Variants in PCDH7 observed in about 807,000 individuals in gnomAD.
PCDH7 encodes protocadherin-7.
Under a neutral mutation model 58.9 loss-of-function variants are expected in PCDH7, and 17 were observed. That is an observed-to-expected ratio of 0.29 (90% confidence interval 0.20 to 0.43). PCDH7 has a LOEUF of 0.43. Among genes scored for constraint, PCDH7 ranks in the 20% least tolerant of loss-of-function variants. The probability of loss-of-function intolerance (pLI) is 1.00; values close to 1 mark genes in which losing one functional copy is unlikely to be tolerated. For missense variants in PCDH7, 1,274 were observed against 1,441.0 expected (o/e 0.88, Z 1.88); for synonymous variants, 664 against 616.4 (o/e 1.08, Z -1.14).
intron 1 of PCDH7, among the ~76,000 whole-genome samples, chr4:30,916,895 A>C (rs2109411355): frequency 6.6e-6 from 1 of 152,236 alleles, no homozygotes; most frequent in African/African-American, 2.4e-5. Context: ...ACTGGGTTTA[A>C]GTTGGGACCA....
intron 3 of PCDH7, among the ~76,000 whole-genome samples, chr4:31,010,641 A>G (rs1196496243): frequency 2.6e-5 from 4 of 151,952 alleles, no homozygotes; most frequent in African/African-American, 9.7e-5. Context: ...ACACTAAAGC[A>G]ATATTCTTAA....
chr4:30,740,421 C>T (rs1716906487), intron 1 of PCDH7, among the ~76,000 whole-genome samples: 1 of 152,070 alleles, frequency 6.6e-6, no homozygotes, highest in African/African-American at 2.4e-5. Context: ...TTATCCTGTG[C>T]TTTTGGGAAA....
chr4:30,757,844 GT>G (rs1719516140), intron 1 of PCDH7, among the ~76,000 whole-genome samples: 7 of 152,192 alleles, frequency 4.6e-5, no homozygotes, highest in Admixed American at 2.6e-4. Context: ...ATAAAAGCTT[GT>G]AGAATGATTG....
intron 1 of PCDH7, among the ~76,000 whole-genome samples, chr4:30,760,719 T>G (rs1042886644): frequency 6.6e-6 from 1 of 152,150 alleles, no homozygotes; most frequent in African/African-American, 2.4e-5. Flanking sequence ...TGTCATTTCC[T>G]AAAGGGCACC....
At chr4:31,022,307 G>T (rs1180418436) in intron 3 of PCDH7, among the ~76,000 whole-genome samples, 2 of 152,154 alleles carry the variant, frequency 1.3e-5, no homozygotes, top group Non-Finnish European at 2.9e-5. Flanking sequence ...ATTTTTCACA[G>T]TTGATGATGA....
intron 1 of PCDH7, among the ~76,000 whole-genome samples, chr4:30,883,419 G>T (rs958576508): frequency 6.6e-6 from 1 of 151,910 alleles, no homozygotes; most frequent in African/African-American, 2.4e-5. Context: ...AAGAAATCAT[G>T]ACCTCAGTGG....
intron 1 of PCDH7, among the ~76,000 whole-genome samples, chr4:30,772,199 A>G (rs1323909439): frequency 6.6e-6 from 1 of 152,180 alleles, no homozygotes; most frequent in African/African-American, 2.4e-5. Flanking sequence ...ACACTTCCAT[A>G]GGTTCTGATT....
intron 3 of PCDH7, among the ~76,000 whole-genome samples, chr4:31,075,622 G>A (rs768879527): frequency 6.6e-6 from 1 of 152,148 alleles, no homozygotes; most frequent in Non-Finnish European, 1.5e-5. Flanking sequence ...CAAGACATGG[G>A]CCTAGCTTCA....
intron 3 of PCDH7, among the ~76,000 whole-genome samples, chr4:31,035,574 A>G (rs1047201595): frequency 9.9e-5 from 15 of 152,246 alleles, no homozygotes; most frequent in African/African-American, 3.1e-4. Flanking sequence ...TCTTAATAAC[A>G]CTTTTGCTCT....
intron 3 of PCDH7, among the ~76,000 whole-genome samples, chr4:30,960,021 C>G (rs1748228811): frequency 6.6e-6 from 1 of 150,678 alleles, no homozygotes; most frequent in African/African-American, 2.5e-5. Context: ...ATACAGTAAC[C>G]TACATTAGGT....
chr4:31,123,737 C>A (rs1717955889), intron 3 of PCDH7, among the ~76,000 whole-genome samples: 1 of 152,114 alleles, frequency 6.6e-6, no homozygotes. Flanking sequence ...CCAGGAAGAA[C>A]CAGGTCCCAC....
At chr4:30,904,146 A>G (rs897604302) in intron 1 of PCDH7, among the ~76,000 whole-genome samples, 3 of 152,212 alleles carry the variant, frequency 2.0e-5, no homozygotes, top group Admixed American at 6.5e-5. Flanking sequence ...ACCAGGATCT[A>G]CAACCTACTA....
At chr4:31,044,368 A>G (rs1421585575) in intron 3 of PCDH7, among the ~76,000 whole-genome samples, 2 of 152,022 alleles carry the variant, frequency 1.3e-5, no homozygotes, top group Non-Finnish European at 2.9e-5. Context: ...ATATAGTGTA[A>G]ATTTTATATC....
chr4:30,753,329 T>C (rs1392494255), intron 1 of PCDH7, among the ~76,000 whole-genome samples: 3 of 152,212 alleles, frequency 2.0e-5, no homozygotes, highest in Non-Finnish European at 4.4e-5. Context: ...AGAATGAAAA[T>C]GCCTCAGTTT....
At chr4:30,968,375 A>ATATATAGTGTGTATAT (rs1560541525) in intron 3 of PCDH7, among the ~76,000 whole-genome samples, 5 of 71,736 alleles carry the variant, frequency 7.0e-5, no homozygotes, top group African/African-American at 2.2e-4. Context: ...ATATACACAC[A>ATATATAGTGTGTATAT]CTATATATAT....
At chr4:30,790,524 T>C (rs1723978406) in intron 1 of PCDH7, among the ~76,000 whole-genome samples, 1 of 152,230 alleles carries the variant, frequency 6.6e-6, no homozygotes, top group South Asian at 2.1e-4. Context: ...AGTAGCTTGA[T>C]GGATTCAACT....
chr4:31,045,797 A>C lies in PCDH7; in HGVS notation c.*7+95582A>C, dbSNP rs1357229967. ...AGGACAAGTTTGAAGAACCAGTGTG[A>C]ACAGTTCTTTCATTGCACTTGTATT... On this transcript the variant is annotated intron_variant, in intron 3 of 3. Transcript: ENST00000509759. 2.6e-5 allele frequency among the ~76,000 whole-genome samples: 4 copies of C among 151,968 alleles called. No homozygotes were observed. In the East Asian group the frequency reaches 7.7e-4, roughly 29 times the overall value.
intron 2 of PCDH7, chr4:30,925,861 G>T (rs1250337843): frequency 6.6e-6 from 1 of 152,174 alleles, no homozygotes; most frequent in Non-Finnish European, 1.5e-5. Context: ...CAATCTAAAA[G>T]AGTCTAAAGA....
intron 1 of PCDH7, among the ~76,000 whole-genome samples, chr4:30,904,318 T>C (rs1029103226): frequency 7.2e-5 from 11 of 152,162 alleles, no homozygotes; most frequent in Non-Finnish European, 1.6e-4. Context: ...GAGGCTCTCT[T>C]GCCTTTCACA....
Sources: gnomAD v4.1 joint callset for allele counts (sites outside exome capture counted in the v4.1 genomes callset) on GRCh38, gnomAD v4.1.1 for gene constraint, MANE v1.5 for transcripts, NCBI Gene and HGNC (gene_info 2026-07-23, HGNC 2026-07-21) for gene names.